SCYL1: variants seen among roughly 807,000 people sequenced by gnomAD.
The protein encoded by SCYL1 is SCY1 like pseudokinase 1, also known as N-terminal kinase-like protein.
SCYL1 carries 85 observed loss-of-function variants against 94.8 expected under a neutral mutation model. The ratio of observed to expected loss-of-function variants is 0.90; its 90% CI spans 0.75 to 1.07. The LOEUF is 1.07. Among genes scored for constraint, SCYL1 ranks in the 50% least tolerant of loss-of-function variants. The pLI, the probability that SCYL1 is intolerant of heterozygous loss-of-function variation, is 0.00. For missense variants in SCYL1, 968 were observed against 1,083.3 expected (o/e 0.89, Z 1.49); for synonymous variants, 459 against 435.5 (o/e 1.05, Z -0.67).
Position 65,525,912 on chromosome 11 carries a change from C to A in SCYL1, c.253-9C>A. ...TCCGCCCTTGATAACCCTGTGTCCC[C>A]TTCCCCAGACAGAAAAATGCCTCCA... On this transcript the variant is annotated splice_polypyrimidine_tract_variant and intron_variant, in intron 2 of 17. Transcript: ENST00000270176. The A allele has an allele frequency of 6.2e-7, 1 of 1,612,472 alleles. No individual in the cohort carries two copies. The highest frequency in any genetic ancestry group is 1.1e-5 in the South Asian group (1 of 90,854).
intron 6 of SCYL1, among the ~76,000 whole-genome samples, chr11:65,527,813 C>T (rs2135040214): frequency 6.6e-6 from 1 of 151,308 alleles, no homozygotes; most frequent in East Asian, 1.9e-4. Context: ...ATCTGAAACA[C>T]TTCTGGTCCC....
rs748685109 is a variant in SCYL1 at position 65,535,268 on chromosome 11, C to T, written c.1272C>T (p.Leu424=). 5.6e-6 allele frequency: 9 copies of T among 1,614,110 alleles called. No homozygotes were observed. In the African/African-American group the frequency reaches 1.2e-4, roughly 22 times the overall value. ...LLAPKLNEAN[L]NVELMKHFAR... is the part of the protein sequence containing the mutation. The stretch of plus-strand genomic sequence containing the variant: ...CCCCAAAGCTGAACGAGGCCAACCT[C>T]AATGTGGAGCTGATGAAGCACTTTG... Residue 424 remains leucine, a synonymous_variant, in exon 10 of 18, where the codon CTC becomes CTT. Coordinates refer to ENST00000270176, the MANE Select transcript of SCYL1 (RefSeq NM_020680.4).
At chr11:65,525,296 C>A in intron 1 of SCYL1, 32 bp downstream of exon 1, 2 of 1,357,010 alleles carry the variant, frequency 1.5e-6, no homozygotes, top group South Asian at 3.1e-5. Flanking sequence ...AGGCCGCGGT[C>A]GACCTGGGCC....
chr11:65,532,637 T>C, intron 8 of SCYL1, 55 bp from the exon 9 acceptor site: 1 of 1,420,016 alleles, frequency 7.0e-7, no homozygotes, highest in Non-Finnish European at 9.9e-7. Context: ...TCCATGGCTA[T>C]GGGGATAGAG....
chr11:65,538,537 A>T lies in SCYL1; in HGVS notation c.2398A>T (p.Met800Leu). ...RAERKVAKGP[M>L]KLGARKLD Reference sequence around the variant, plus strand: ...CGAGAGGAAGGTGGCCAAGGGCCCCATGAAGCTGGGAGCCCGGAAGCTGGA... The same window carrying T: ...CGAGAGGAAGGTGGCCAAGGGCCCCTTGAAGCTGGGAGCCCGGAAGCTGGA... The change falls in exon 18 of 18, where the codon ATG (methionine) becomes TTG (leucine). Residue 800 changes from methionine to leucine, a missense_variant. Met to Leu is a conservative substitution (Grantham distance 15, BLOSUM62 2). Around this residue, in one of 2 missense-constraint regions of SCYL1, gnomAD observed 474 missense variants for 463.6 expected, o/e 1.02. Coordinates refer to ENST00000270176, the MANE Select transcript of SCYL1 (RefSeq NM_020680.4). The T allele has an allele frequency of 6.2e-7, 1 of 1,611,614 alleles. No individual in the cohort carries two copies. The highest frequency in any genetic ancestry group is 8.5e-7 in the Non-Finnish European group (1 of 1,179,504).
chr11:65,535,144 G>C, intron 9 of SCYL1, 83 bp from the exon 10 acceptor site: 1 of 1,556,490 alleles, frequency 6.4e-7, no homozygotes, highest in Non-Finnish European at 8.8e-7. Flanking sequence ...TGTGCTCTGG[G>C]ATGAGGGCTG....
intron 6 of SCYL1, among the ~76,000 whole-genome samples, chr11:65,529,875 C>T (rs1453305267): frequency 6.6e-6 from 1 of 152,326 alleles, no homozygotes; most frequent in Middle Eastern, 3.4e-3. Flanking sequence ...GCTCCTTGCC[C>T]TCTCTGTGCC....
Position 65,527,114 on chromosome 11 carries a change from T to G in SCYL1, c.846T>G (p.Ile282Met). 6.2e-7 allele frequency: 1 copy of G among 1,612,762 alleles called. No individual in the cohort carries two copies. The highest frequency in any genetic ancestry group is 8.5e-7 in the Non-Finnish European group (1 of 1,179,344). ...FVETNLFLEE[I>M]QIKEPAEKQK... ...AAACCAACCTCTTCCTGGAGGAGATTCAGGTGAGCCCCCAACCCACCCTGG... is the reference window on the plus strand; with the variant it reads ...AAACCAACCTCTTCCTGGAGGAGATGCAGGTGAGCCCCCAACCCACCCTGG... The change falls in exon 6 of 18, where the codon ATT becomes ATG. Residue 282 changes from isoleucine (I) to methionine (M), a missense_variant. Transcript: ENST00000270176.
Position 65,538,057 on chromosome 11 carries a change from G to C in SCYL1, c.2122G>C (p.Glu708Gln). ...AEGSWEQGWQ[E>Q]PSSQEPPPDG... is the part of the protein sequence containing the mutation. ...GGGCTCCTGGGAACAGGGCTGGCAGGAGCCAAGCTCCCAGGAGCCACCTCC... is the reference window on the plus strand; with the variant it reads ...GGGCTCCTGGGAACAGGGCTGGCAGCAGCCAAGCTCCCAGGAGCCACCTCC... The change falls in exon 16 of 18, where the codon GAG becomes CAG. Residue 708 changes from glutamate (E) to glutamine (Q), a missense_variant. Transcript: ENST00000270176. 6.2e-7 allele frequency: 1 copy of C among 1,609,986 alleles called. No homozygotes were observed. Among genetic ancestry groups the C allele is most frequent in the Non-Finnish European group, 8.5e-7 (1 of 1,178,562 alleles).
At position 65,538,573 on chromosome 11, in the gene SCYL1, G is replaced by GCA; in HGVS notation, c.*8_*9insAC. ...AGCCCGGAAGCTGGACTGAACCGTG[G>GCA]CGGTGGCCCTTCCCGGCTGCGGAGA... is the stretch of plus-strand genomic sequence containing the variant. On this transcript the variant is annotated 3_prime_UTR_variant, in exon 18 of 18. Transcript: ENST00000270176. The GCA allele has an allele frequency of 6.2e-7, 1 of 1,608,418 alleles. No individual in the cohort carries two copies. Among genetic ancestry groups the GCA allele is most frequent in the Non-Finnish European group, 8.5e-7 (1 of 1,177,534 alleles).
chr11:65,538,454 C>T lies in SCYL1; in HGVS notation c.2315C>T (p.Ala772Val), dbSNP rs899960373. 1.2e-5 allele frequency: 19 copies of T among 1,563,450 alleles called. No homozygotes were observed. The highest frequency in any genetic ancestry group is 1.6e-5 in the Non-Finnish European group (18 of 1,156,012). ...GLETDSRQVK[A>V]ELARKKREER... ...TTCCTGACGCCAGGACAGGTCAAGG[C>T]TGAGCTGGCCCGGAAGAAGCGCGAG... is the stretch of plus-strand genomic sequence containing the variant. Residue 772 changes from alanine to valine, a missense_variant, in exon 18 of 18, where the codon GCT (alanine) becomes GTT (valine). By Grantham distance (64) the Ala-to-Val change is moderately conservative. Around this residue, in one of 2 missense-constraint regions of SCYL1, gnomAD observed 474 missense variants for 463.6 expected, o/e 1.02. Coordinates refer to ENST00000270176, the MANE Select transcript of SCYL1 (RefSeq NM_020680.4).
intron 7 of SCYL1, 53 bp downstream of exon 7, chr11:65,530,840 A>G: frequency 6.4e-7 from 1 of 1,557,610 alleles, no homozygotes; most frequent in Non-Finnish European, 8.7e-7. Context: ...GGAACTGCCA[A>G]AGAGAAGGCC....
At chr11:65,530,545 C>T in intron 6 of SCYL1, 84 bp from the exon 7 acceptor site, 1 of 1,481,854 alleles carries the variant, frequency 6.7e-7, no homozygotes, top group Non-Finnish European at 9.1e-7. Context: ...CCATAAGCAT[C>T]ACTTCTCCTT....
chr11:65,533,195 G>A (rs1855474126), intron 9 of SCYL1: 3 of 212,070 alleles, frequency 1.4e-5, no homozygotes, highest in South Asian at 7.8e-5. Flanking sequence ...GCTGAGGCAA[G>A]CGGATCACCT....
intron 9 of SCYL1, among the ~76,000 whole-genome samples, chr11:65,534,636 A>C (rs1222349222): frequency 6.6e-6 from 1 of 152,194 alleles, no homozygotes; most frequent in Non-Finnish European, 1.5e-5. Flanking sequence ...TTGTCAGCTC[A>C]CAAGATGGCA....
rs1216607637 is a variant in SCYL1 at position 65,536,008 on chromosome 11, C to T, written c.1442C>T (p.Ala481Val). 1 of 1,613,480 alleles carries T rather than the reference C, an allele frequency of 6.2e-7. No individual in the cohort carries two copies. The highest frequency in any genetic ancestry group is 2.2e-5 in the East Asian group (1 of 44,898). ...AGCCGAGCCACTAGGGACCCGTTTG[C>T]ACCGTCCCGGGTTGCGGGTGTCCTG... ...AFSRATRDPF[A>V]PSRVAGVLGF... Residue 481 changes from alanine to valine, a missense_variant, in exon 11 of 18, where the codon GCA (alanine) becomes GTA (valine). By Grantham distance (64) the Ala-to-Val change is moderately conservative. Around this residue, in one of 2 missense-constraint regions of SCYL1, gnomAD observed 474 missense variants for 463.6 expected, o/e 1.02. Transcript: ENST00000270176.
In SCYL1 at chr11:65,537,018, G is replaced by A. The variant is rs1214475509; in HGVS notation, c.1849G>A (p.Ala617Thr). 2 of 1,611,798 alleles carry A rather than the reference G, an allele frequency of 1.2e-6. No homozygotes were observed. The highest frequency in any genetic ancestry group is 2.7e-5 in the African/African-American group (2 of 74,744). Reference sequence around the variant, plus strand: ...TGCCCCAGCCCCCACCCCTGTTCCTGCCACCCCTACAACCTCAGGCCACTG... The same window carrying A: ...TGCCCCAGCCCCCACCCCTGTTCCTACCACCCCTACAACCTCAGGCCACTG... ...VPAPAPTPVP[A>T]TPTTSGHWET... The change falls in exon 14 of 18, where the codon GCC (alanine) becomes ACC (threonine). Residue 617 changes from alanine (A) to threonine (T), a missense_variant. Physicochemically the swap from Ala to Thr is moderately conservative, Grantham distance 58. Transcript: ENST00000270176.
chr11:65,535,702 A>G, intron 10 of SCYL1: 1 of 573,802 alleles, frequency 1.7e-6, no homozygotes, highest in South Asian at 2.4e-5. Flanking sequence ...GGAGGAAGGG[A>G]GCCTGTGTCC....
rs569299919 is a variant in SCYL1 at position 65,526,098 on chromosome 11, G to A, written c.376-26G>A. ...AGGGATGGGGGGTTGCAGGTGCTGGGGCGTGATGGCTCCTTTTGCCCCCAG... is the reference window on the plus strand; with the variant it reads ...AGGGATGGGGGGTTGCAGGTGCTGGAGCGTGATGGCTCCTTTTGCCCCCAG... On this transcript the variant is annotated intron_variant, in intron 3 of 17. Transcript: ENST00000270176. The surrounding 1 kb of genome is among the most constrained non-coding windows in gnomAD (Gnocchi z 4.1). 3.2e-5 allele frequency: 52 copies of A among 1,612,322 alleles called. No individual in the cohort carries two copies. In the South Asian group the frequency reaches 5.5e-4, roughly 17 times the overall value.
Sources: allele counts gnomAD v4.1 joint callset (sites outside exome capture counted in the v4.1 genomes callset), GRCh38; gene constraint gnomAD v4.1.1; regional missense constraint gnomAD v4.1.1; non-coding constraint Gnocchi (gnomAD v3.1); transcripts MANE v1.5; gene names NCBI Gene and HGNC (gene_info 2026-07-23, HGNC 2026-07-21).